The following CSGALNACT2 variants were observed in gnomAD, a reference collection of about 807,000 sequenced individuals.
The protein encoded by CSGALNACT2 is chondroitin sulfate N-acetylgalactosaminyltransferase 2.
Under a neutral mutation model 55.3 loss-of-function variants are expected in CSGALNACT2, and 35 were observed. The observed-to-expected ratio is 0.63, with a 90% CI of 0.48 to 0.84. CSGALNACT2 has a LOEUF of 0.84. Ranked by LOEUF, CSGALNACT2 falls within the 40% of genes least tolerant of loss-of-function variation. The probability of loss-of-function intolerance (pLI) is 0.00; values close to 1 mark genes in which losing one functional copy is unlikely to be tolerated. For missense variants in CSGALNACT2, 544 were observed against 657.5 expected (o/e 0.83, Z 1.89); for synonymous variants, 196 against 224.9 (o/e 0.87, Z 1.15).
intron 7 of CSGALNACT2, among the ~76,000 whole-genome samples, chr10:43,180,523 A>G (rs374555918): frequency 4.6e-5 from 7 of 152,104 alleles, no homozygotes; most frequent in African/African-American, 1.4e-4. Flanking sequence ...TTTCCATTAG[A>G]GCCCTTAGAG....
chr10:43,171,134 A>G (rs12776651), intron 6 of CSGALNACT2, among the ~76,000 whole-genome samples: 2 of 152,218 alleles, frequency 1.3e-5, no homozygotes, highest in Non-Finnish European at 2.9e-5. Flanking sequence ...ATGGTTCCTT[A>G]GTTTTGACAA....
chr10:43,159,204 A>G (rs1564514741), intron 3 of CSGALNACT2, among the ~76,000 whole-genome samples: 2 of 152,238 alleles, frequency 1.3e-5, no homozygotes, highest in Non-Finnish European at 2.9e-5. Flanking sequence ...TTTTAAGACA[A>G]GTTGAATTTT....
At chr10:43,140,525 C>T (rs1681237035) in intron 1 of CSGALNACT2, among the ~76,000 whole-genome samples, 1 of 152,192 alleles carries the variant, frequency 6.6e-6, no homozygotes. Context: ...TGTCTTCTGT[C>T]GGACTGTCAT....
chr10:43,183,212 A>G (rs1416852159), intron 7 of CSGALNACT2, 38 bp from the exon 8 acceptor site: 5 of 1,482,264 alleles, frequency 3.4e-6, no homozygotes, highest in Non-Finnish European at 4.7e-6. Flanking sequence ...CTGGCTAATA[A>G]TAGGCAGTTA....
intron 7 of CSGALNACT2, 108 bp downstream of exon 7, chr10:43,176,140 T>A: frequency 1.3e-6 from 1 of 756,502 alleles, no homozygotes; most frequent in Non-Finnish European, 2.1e-6. Flanking sequence ...TATGAGTGTC[T>A]AAGGTTAGCT....
chr10:43,145,695 C>T (rs187560613), intron 1 of CSGALNACT2, among the ~76,000 whole-genome samples: 126 of 152,262 alleles, frequency 8.3e-4, no homozygotes, highest in African/African-American at 2.3e-3. Context: ...GCATGAGCCA[C>T]CATGCCCAGC....
chr10:43,184,380 T>TG lies in CSGALNACT2; in HGVS notation c.*840dup. 6.6e-6 allele frequency: 1 copy of TG among 152,334 alleles called. No individual in the cohort carries two copies. Among genetic ancestry groups the TG allele is most frequent in the African/African-American group, 2.4e-5 (1 of 41,594 alleles). The allele number at this position is 152,334 out of a possible 1,614,324, so 9.4% of individuals were successfully genotyped here. A position where few individuals can be genotyped will look rare whatever the true frequency, so the allele number is the denominator to read the frequency against. On this transcript the variant is annotated 3_prime_UTR_variant, in exon 8 of 8. Transcript: ENST00000374466. ...AGCCAGCTCTATCAGGGTCTTCCCA[T>TG]GGTGGTTCAGAATAGATGAGCATAG...
intron 1 of CSGALNACT2, among the ~76,000 whole-genome samples, chr10:43,141,537 A>T (rs970952436): frequency 7.2e-6 from 1 of 139,382 alleles, no homozygotes; most frequent in African/African-American, 2.7e-5. Flanking sequence ...TAAAATTAGC[A>T]GTATGGTAGT....
At chr10:43,164,491 C>T (rs941311342) in intron 5 of CSGALNACT2, among the ~76,000 whole-genome samples, 1 of 152,214 alleles carries the variant, frequency 6.6e-6, no homozygotes. Flanking sequence ...AGTGCTTGGT[C>T]TCCAGACTGT....
intron 1 of CSGALNACT2, among the ~76,000 whole-genome samples, chr10:43,154,246 G>A (rs971475551): frequency 1.3e-5 from 2 of 152,174 alleles, no homozygotes; most frequent in African/African-American, 2.4e-5. Flanking sequence ...TTGGGAAATG[G>A]TGCGGTAATT....
At chr10:43,176,144 G>T in intron 7 of CSGALNACT2, 112 bp downstream of exon 7, 1 of 754,562 alleles carries the variant, frequency 1.3e-6, no homozygotes, top group East Asian at 2.8e-5. Context: ...AGTGTCTAAG[G>T]TTAGCTAAAA....
chr10:43,178,688 T>C (rs1362369980), intron 7 of CSGALNACT2, among the ~76,000 whole-genome samples: 1 of 152,024 alleles, frequency 6.6e-6, no homozygotes, highest in Non-Finnish European at 1.5e-5. Context: ...GTATTTAAAT[T>C]TTTATATTTA....
chr10:43,169,610 G>A (rs1237853152), intron 6 of CSGALNACT2, among the ~76,000 whole-genome samples: 1 of 152,134 alleles, frequency 6.6e-6, no homozygotes, highest in Non-Finnish European at 1.5e-5. Context: ...GAAAAATTAA[G>A]ACAAGGAAGA....
At chr10:43,178,281 C>T (rs769502514) in intron 7 of CSGALNACT2, among the ~76,000 whole-genome samples, 6 of 152,132 alleles carry the variant, frequency 3.9e-5, no homozygotes, top group Admixed American at 1.3e-4. Context: ...TTCATATTAC[C>T]TGTGCATATC....
In CSGALNACT2 at chr10:43,155,409, A is replaced by G. The variant is rs753345504; in HGVS notation, c.260A>G (p.Gln87Arg). ...ATTGCCCAACTAAAACAAGAATTACAAGAAATGAGTGAGAAGATGCGGTCA... is the reference window on the plus strand; with the variant it reads ...ATTGCCCAACTAAAACAAGAATTACGAGAAATGAGTGAGAAGATGCGGTCA... ...RQIAQLKQEL[Q>R]EMSEKMRSLQ... Residue 87 changes from glutamine to arginine, a missense_variant, in exon 2 of 8, where the codon CAA becomes CGA. Coordinates refer to ENST00000374466, the MANE Select transcript of CSGALNACT2 (RefSeq NM_018590.5). 1.9e-6 allele frequency: 3 copies of G among 1,614,210 alleles called. No homozygotes were observed. The highest frequency in any genetic ancestry group is 4.5e-5 in the East Asian group (2 of 44,892).
intron 2 of CSGALNACT2, among the ~76,000 whole-genome samples, chr10:43,156,470 T>C (rs1472072261): frequency 2.0e-5 from 3 of 152,250 alleles, no homozygotes; most frequent in African/African-American, 4.8e-5. Flanking sequence ...CCATCTCCTT[T>C]ACACTCACTG....
chr10:43,155,183 A>G lies in CSGALNACT2; in HGVS notation c.34A>G (p.Thr12Ala). Residue 12 changes from threonine (T) to alanine (A), a missense_variant, in exon 2 of 8, where the codon ACC becomes GCC. Coordinates refer to ENST00000374466, the MANE Select transcript of CSGALNACT2 (RefSeq NM_018590.5). The stretch of plus-strand genomic sequence containing the variant: ...AAGAGGACTGATTCTTCACACCCGG[A>G]CCCACTGGTTGCTGTTGGGCCTTGC... The part of the protein sequence containing the change: ...PRRGLILHTR[T>A]HWLLLGLALL... 1 of 1,614,090 alleles carries G rather than the reference A, an allele frequency of 6.2e-7. No homozygotes were observed. Among genetic ancestry groups the G allele is most frequent in the Non-Finnish European group, 8.5e-7 (1 of 1,179,978 alleles).
chr10:43,184,479 AATATATTAATATATGCTACATTTGT>A lies in CSGALNACT2; in HGVS notation c.*940_*964del, dbSNP rs1312026571. 1.3e-5 allele frequency: 2 copies of A among 152,300 alleles called. No individual in the cohort carries two copies. The highest frequency in any genetic ancestry group is 3.9e-4 in the East Asian group (2 of 5,180). 9.4% of individuals were successfully genotyped at this position (152,300 alleles called of 1,614,324 possible). ...CATATGTATTTACTATCCTTTTTCT[AATATATTAATATATGCTACATTTGT>A]ATTTGCATTACTATAATACTTTGAG... is the stretch of plus-strand genomic sequence containing the variant. On this transcript the variant is annotated 3_prime_UTR_variant, in exon 8 of 8. Coordinates refer to ENST00000374466, the MANE Select transcript of CSGALNACT2 (RefSeq NM_018590.5).
intron 5 of CSGALNACT2, among the ~76,000 whole-genome samples, chr10:43,165,854 T>G (rs1417828651): frequency 2.0e-5 from 3 of 152,120 alleles, no homozygotes; most frequent in Non-Finnish European, 4.4e-5. Flanking sequence ...TGGTGGCTTG[T>G]TCCTGTAATC....
Sources: allele counts gnomAD v4.1 joint callset (sites outside exome capture counted in the v4.1 genomes callset), GRCh38; gene constraint gnomAD v4.1.1; transcripts MANE v1.5; gene names NCBI Gene and HGNC (gene_info 2026-07-23, HGNC 2026-07-21).